The following WWOX variants were observed in gnomAD, a reference collection of about 807,000 sequenced individuals.
The protein encoded by WWOX is WW domain-containing oxidoreductase.
In WWOX, 69 loss-of-function variants were observed where a neutral mutation model predicts 46.2. That is an observed-to-expected ratio of 1.49 (90% CI 1.23 to 1.82). The LOEUF (loss-of-function observed/expected upper bound fraction) is 1.82, where lower values mean the gene tolerates loss of function less well. WWOX is among the 40% of genes most tolerant of loss of function. The pLI, the probability that WWOX is intolerant of heterozygous loss-of-function variation, is 0.00. For missense variants in WWOX, 919 were observed against 542.6 expected (o/e 1.69, Z -6.89); for synonymous variants, 359 against 202.6 (o/e 1.77, Z -6.56).
chr16:78,788,752 A>C (rs1344605926), intron 8 of WWOX, among the ~76,000 whole-genome samples: 1 of 152,266 alleles, frequency 6.6e-6, no homozygotes, highest in East Asian at 1.9e-4. Flanking sequence ...GGGAACTTCC[A>C]CCTGAAGCCC....
chr16:78,476,564 C>G (rs2084353196), intron 8 of WWOX, among the ~76,000 whole-genome samples: 1 of 151,758 alleles, frequency 6.6e-6, no homozygotes, highest in African/African-American at 2.4e-5. Context: ...ATGTAACAAA[C>G]CTGCACGTTG....
chr16:78,556,891 C>G (rs34879622), intron 8 of WWOX, among the ~76,000 whole-genome samples: 25,013 of 151,674 alleles, frequency 0.16, 2,295 homozygotes, highest in African/African-American at 0.24. Flanking sequence ...GCTAAGTTTT[C>G]TATTTTCAAT....
chr16:78,903,951 C>G (rs1293260785), intron 8 of WWOX, among the ~76,000 whole-genome samples: 1 of 152,158 alleles, frequency 6.6e-6, no homozygotes, highest in African/African-American at 2.4e-5. Context: ...GCCAGCCACA[C>G]AGCGAATGAA....
chr16:78,704,861 G>A (rs2048298540), intron 8 of WWOX, among the ~76,000 whole-genome samples: 1 of 151,942 alleles, frequency 6.6e-6, no homozygotes. Context: ...CTTCTTTTGT[G>A]GGCCACCCCA....
rs530566987 is a variant in WWOX at position 78,704,091 on chromosome 16, G to A, written c.1056+271339G>A. On this transcript the variant is annotated intron_variant, in intron 8 of 8. Transcript: ENST00000566780. ...AGCCATCTGTTTCAATTCACTAGATGTTGTTCCACCCAGCACGTCATGGTG... is the reference window on the plus strand; with the variant it reads ...AGCCATCTGTTTCAATTCACTAGATATTGTTCCACCCAGCACGTCATGGTG... Among the ~76,000 whole-genome samples, 184 of 150,856 alleles carry A rather than the reference G, an allele frequency of 1.2e-3. 2 individuals carry two copies. The highest frequency in any genetic ancestry group is 1.9e-3 in the Non-Finnish European group (128 of 67,872).
At chr16:78,143,625 C>G (rs1037414715) in intron 4 of WWOX, among the ~76,000 whole-genome samples, 2 of 152,116 alleles carry the variant, frequency 1.3e-5, no homozygotes, top group Non-Finnish European at 2.9e-5. Context: ...TATTCTCTTG[C>G]CCTTTACAGA....
intron 8 of WWOX, among the ~76,000 whole-genome samples, chr16:78,596,405 C>T (rs911377999): frequency 1.3e-5 from 2 of 151,316 alleles, no homozygotes; most frequent in Non-Finnish European, 3.0e-5. Context: ...AGAGGTAATC[C>T]AGGTCACGGT....
At chr16:78,433,173 TG>T (rs1567570866) in intron 8 of WWOX, among the ~76,000 whole-genome samples, 3 of 152,230 alleles carry the variant, frequency 2.0e-5, no homozygotes, top group African/African-American at 7.2e-5. Flanking sequence ...GTGATTCCTT[TG>T]TTTCACAGAA....
intron 8 of WWOX, among the ~76,000 whole-genome samples, chr16:78,682,139 CTGT>C: frequency 6.6e-6 from 1 of 152,116 alleles, no homozygotes. Flanking sequence ...TTTGGTGTTA[CTGT>C]TATTTTATTT....
intron 8 of WWOX, among the ~76,000 whole-genome samples, chr16:78,786,312 G>C (rs2050454906): frequency 6.6e-6 from 1 of 152,164 alleles, no homozygotes; most frequent in Non-Finnish European, 1.5e-5. Context: ...GGTGTAAATA[G>C]TGGTACCCTG....
chr16:78,588,086 C>T (rs1043259728), intron 8 of WWOX, among the ~76,000 whole-genome samples: 15 of 152,118 alleles, frequency 9.9e-5, no homozygotes, highest in African/African-American at 3.6e-4. Context: ...CTTTGTGGCC[C>T]TAACCCTTGC....
At chr16:78,402,693 T>G (rs2082441861) in intron 6 of WWOX, among the ~76,000 whole-genome samples, 1 of 152,124 alleles carries the variant, frequency 6.6e-6, no homozygotes, top group African/African-American at 2.4e-5. Flanking sequence ...AGAGACAAGG[T>G]GTTACATGAC....
intron 8 of WWOX, among the ~76,000 whole-genome samples, chr16:78,746,785 C>T (rs1180553435): frequency 1.3e-5 from 2 of 152,068 alleles, no homozygotes; most frequent in Non-Finnish European, 2.9e-5. Flanking sequence ...TCAGCAAACC[C>T]AGTCAATATC....
At chr16:78,523,097 A>G (rs2043385141) in intron 8 of WWOX, among the ~76,000 whole-genome samples, 1 of 152,172 alleles carries the variant, frequency 6.6e-6, no homozygotes, top group Admixed American at 6.5e-5. Context: ...ATAAAAATTA[A>G]AAAACCTAAC....
chr16:78,176,536 T>C (rs2035353444), intron 5 of WWOX, among the ~76,000 whole-genome samples: 1 of 152,226 alleles, frequency 6.6e-6, no homozygotes, highest in South Asian at 2.1e-4. Context: ...ACCGGGTAGC[T>C]GGGAGAAACT....
At chr16:78,936,432 G>A (rs2045738945) in intron 8 of WWOX, among the ~76,000 whole-genome samples, 2 of 152,088 alleles carry the variant, frequency 1.3e-5, no homozygotes, top group Admixed American at 1.3e-4. Context: ...ACTCTCTAGA[G>A]CTCTTTTCTC....
At chr16:78,316,243 A>G (rs2080354209) in intron 5 of WWOX, among the ~76,000 whole-genome samples, 2 of 152,174 alleles carry the variant, frequency 1.3e-5, no homozygotes, top group African/African-American at 4.8e-5. Flanking sequence ...CACATCTCCA[A>G]AAAGGTGGCA....
intron 5 of WWOX, chr16:78,238,310 G>A (rs530035449): frequency 4.2e-4 from 64 of 152,296 alleles, no homozygotes; most frequent in African/African-American, 1.5e-3. Context: ...TGTTTTGTTT[G>A]TTTTTTTGAG....
At chr16:78,679,091 G>A (rs2047669712) in intron 8 of WWOX, among the ~76,000 whole-genome samples, 1 of 152,208 alleles carries the variant, frequency 6.6e-6, no homozygotes. Context: ...AGCTGAGGCT[G>A]GTGCAGTTAC....
Sources: allele counts gnomAD v4.1 joint callset (sites outside exome capture counted in the v4.1 genomes callset), GRCh38; gene constraint gnomAD v4.1.1; transcripts MANE v1.5; gene names NCBI Gene and HGNC (gene_info 2026-07-23, HGNC 2026-07-21).